ISM1: variants seen among roughly 807,000 people sequenced by gnomAD.
ISM1 encodes isthmin-1.
ISM1 carries 25 observed loss-of-function variants against 46.3 expected under a neutral mutation model. The ratio of observed to expected loss-of-function variants is 0.54; its 90% CI spans 0.39 to 0.75. ISM1 has a LOEUF of 0.75. ISM1 is among the 30% of genes least tolerant of loss of function. The pLI is 0.00. For missense variants in ISM1, 536 were observed against 625.4 expected, an observed-to-expected ratio of 0.86 and a Z score of 1.52; for synonymous variants, 255 against 256.7, an observed-to-expected ratio of 0.99 and a Z score of 0.06.
At chr20:13,246,490 G>T (rs1021869015) in intron 1 of ISM1, among the ~76,000 whole-genome samples, 1 of 152,182 alleles carries the variant, frequency 6.6e-6, no homozygotes, top group African/African-American at 2.4e-5. Context: ...TATACCCATG[G>T]CATGCAGTGT....
intron 3 of ISM1, among the ~76,000 whole-genome samples, chr20:13,280,536 A>C (rs1204570553): frequency 6.6e-6 from 1 of 152,152 alleles, no homozygotes; most frequent in African/African-American, 2.4e-5. Flanking sequence ...TGGGTAGGAG[A>C]ACTCAGCTCC....
chr20:13,297,563 G>A (rs1164210024), intron 5 of ISM1, among the ~76,000 whole-genome samples: 1 of 152,180 alleles, frequency 6.6e-6, no homozygotes, highest in Non-Finnish European at 1.5e-5. Flanking sequence ...TCAGATGACT[G>A]AGGGACCAAG....
chr20:13,259,469 A>G (rs1460415009), intron 1 of ISM1, among the ~76,000 whole-genome samples: 1 of 152,180 alleles, frequency 6.6e-6, no homozygotes, highest in East Asian at 1.9e-4. Flanking sequence ...TAATATTAAA[A>G]ATGTGAATCT....
chr20:13,285,991 T>C (rs753597144), intron 3 of ISM1, among the ~76,000 whole-genome samples: 13 of 152,204 alleles, frequency 8.5e-5, no homozygotes, highest in Admixed American at 3.9e-4. Flanking sequence ...TTTGGCATCA[T>C]TGGGTTATGT....
At chr20:13,311,216 T>TGATAGATA in the ISM1 span, among the ~76,000 whole-genome samples, 2,476 of 133,208 alleles carry the variant, frequency 0.019, 43 homozygotes, top group Non-Finnish European at 0.022. Flanking sequence ...TATAGATAGA[T>TGATAGATA]GATAGATAGA....
intron 1 of ISM1, among the ~76,000 whole-genome samples, chr20:13,265,096 G>A (rs73263004): frequency 1.3e-4 from 20 of 152,234 alleles, no homozygotes; most frequent in African/African-American, 4.8e-4. Context: ...AAAACAGCAG[G>A]TGTCTCTGAT....
intron 1 of ISM1, 30 bp downstream of exon 1, chr20:13,221,944 C>G (rs2039454509): frequency 2.3e-6 from 3 of 1,311,544 alleles, no homozygotes; most frequent in East Asian, 6.3e-5. Flanking sequence ...GGGCCGTGCG[C>G]GGCTGCGGGG....
At chr20:13,248,745 C>T (rs76059101) in intron 1 of ISM1, among the ~76,000 whole-genome samples, 10,452 of 152,246 alleles carry the variant, frequency 0.069, 477 homozygotes, top group Middle Eastern at 0.14. Flanking sequence ...CTTTTGAGGC[C>T]GTTCCCTTGA....
At chr20:13,251,769 A>G (rs2039870807) in intron 1 of ISM1, among the ~76,000 whole-genome samples, 1 of 152,190 alleles carries the variant, frequency 6.6e-6, no homozygotes, top group Non-Finnish European at 1.5e-5. Flanking sequence ...ATAGCATGCC[A>G]TGTTGGAGAA....
rs1025830295 is a variant in ISM1 at position 13,221,665 on chromosome 20, C to A, written c.-112C>A. 1.3e-4 allele frequency: 123 copies of A among 951,866 alleles called. No homozygotes were observed. Among genetic ancestry groups the A allele is most frequent in the Non-Finnish European group, 1.5e-4 (115 of 745,552 alleles). The allele number at this position is 951,866 out of a possible 1,614,324, so 59.0% of individuals were successfully genotyped here. The stretch of plus-strand genomic sequence containing the variant: ...CGGGAAGCGGAGCCCTGGCGGGAGC[C>A]GAGGCGGGAGCCGCGCTGCCGGGCT... On this transcript the variant is annotated 5_prime_UTR_variant, in exon 1 of 6. Coordinates refer to ENST00000262487, the MANE Select transcript of ISM1 (RefSeq NM_080826.2).
chr20:13,306,564 C>T, the ISM1 span, among the ~76,000 whole-genome samples: 1 of 63,908 alleles, frequency 1.6e-5, no homozygotes, highest in South Asian at 7.8e-4. Flanking sequence ...GGAGAAAGGA[C>T]AAAAAAAAAA....
chr20:13,282,044 A>C (rs2040243824), intron 3 of ISM1, among the ~76,000 whole-genome samples: 1 of 152,190 alleles, frequency 6.6e-6, no homozygotes, highest in Non-Finnish European at 1.5e-5. Flanking sequence ...TGGGACCCAG[A>C]AATCCGTTTG....
intron 3 of ISM1, among the ~76,000 whole-genome samples, chr20:13,287,308 C>A (rs1245393152): frequency 6.6e-6 from 1 of 152,100 alleles, no homozygotes; most frequent in Non-Finnish European, 1.5e-5. Flanking sequence ...AGGGGAACTC[C>A]CATTTATAAA....
rs116180109 is a variant in ISM1 at position 13,295,009 on chromosome 20, T to C, written c.877+2546T>C. 3.6e-3 allele frequency among the ~76,000 whole-genome samples: 541 copies of C among 152,252 alleles called. 2 individuals carry two copies. Among genetic ancestry groups the C allele is most frequent in the African/African-American group, 0.012 (505 of 41,540 alleles). On this transcript the variant is annotated intron_variant, in intron 5 of 5. Transcript: ENST00000262487. ...GTTCATAAGACATGCCCAATTTTTC[T>C]CTTCCTCGTTCTATTGATGAGTGCC... is the stretch of plus-strand genomic sequence containing the variant.
At chr20:13,233,793 T>C (rs1015941630) in intron 1 of ISM1, among the ~76,000 whole-genome samples, 3 of 152,126 alleles carry the variant, frequency 2.0e-5, no homozygotes, top group Admixed American at 6.5e-5. Context: ...ATTGCCCAAA[T>C]GTTCACTAGG....
At chr20:13,229,447 C>T (rs949186531) in intron 1 of ISM1, among the ~76,000 whole-genome samples, 1 of 152,186 alleles carries the variant, frequency 6.6e-6, no homozygotes, top group African/African-American at 2.4e-5. Flanking sequence ...ATGTGCCTGG[C>T]TTCTCTCATT....
intron 1 of ISM1, among the ~76,000 whole-genome samples, chr20:13,234,408 T>C (rs2039624394): frequency 1.3e-5 from 2 of 152,194 alleles, no homozygotes; most frequent in African/African-American, 4.8e-5. Flanking sequence ...TGCTGTGATA[T>C]AAACAGATGA....
chr20:13,307,812 T>C, the ISM1 span, among the ~76,000 whole-genome samples: 1 of 152,352 alleles, frequency 6.6e-6, no homozygotes, highest in Admixed American at 6.5e-5. Flanking sequence ...TATATCACAA[T>C]TTTATTTAAC....
At chr20:13,229,653 A>G (rs1356282771) in intron 1 of ISM1, among the ~76,000 whole-genome samples, 1 of 152,172 alleles carries the variant, frequency 6.6e-6, no homozygotes, top group African/African-American at 2.4e-5. Flanking sequence ...CTGTGGACCT[A>G]TGTTTTCATT....
Sources: gnomAD v4.1 joint callset for allele counts (sites outside exome capture counted in the v4.1 genomes callset) on GRCh38, gnomAD v4.1.1 for gene constraint, MANE v1.5 for transcripts, NCBI Gene and HGNC (gene_info 2026-07-23, HGNC 2026-07-21) for gene names.